The following MST1R variants were observed in gnomAD, a reference collection of about 807,000 sequenced individuals.
MST1R encodes the protein macrophage stimulating 1 receptor, also known as macrophage-stimulating protein receptor.
A neutral mutation model predicts 117.8 loss-of-function variants in MST1R; 99 were observed. The observed-to-expected ratio is 0.84, with a 90% confidence interval of 0.71 to 0.99. The LOEUF (loss-of-function observed/expected upper bound fraction) is 0.99, where lower values mean the gene tolerates loss of function less well. MST1R is among the 50% of genes least tolerant of loss of function. MST1R has a pLI of 0.00. For missense variants in MST1R, 1,683 were observed against 1,840.2 expected (o/e 0.91, Z 1.56); for synonymous variants, 734 against 765.3 (o/e 0.96, Z 0.68).
In MST1R at chr3:49,887,262, G is replaced by C. The variant is rs778893327; in HGVS notation, c.*45C>G. On this transcript the variant is annotated 3_prime_UTR_variant, in exon 20 of 20. Coordinates refer to ENST00000296474, the MANE Select transcript of MST1R (RefSeq NM_002447.4). ...GCCTGGCATGGCCCAGAGGCAGCTT[G>C]GGGTTAGCTCAAGGCAGCTAAGCAG... The C allele has an allele frequency of 3.7e-6, 6 of 1,603,588 alleles. No homozygotes were observed. The African/African-American group carries it at 8.0e-5, about 21-fold the overall frequency.
At chr3:49,899,537 A>T in intron 1 of MST1R, 1 of 222,552 alleles carries the variant, frequency 4.5e-6, no homozygotes, top group South Asian at 5.3e-5. Context: ...CCCCCATTCC[A>T]TCCTCACAAC....
At position 49,898,923 on chromosome 3, in the gene MST1R, C is replaced by T. The variant is rs148258933; in HGVS notation, c.1492G>A (p.Val498Met). Residue 498 changes from valine (V) to methionine (M), a missense_variant, in exon 3 of 20, where the codon GTG (valine) becomes ATG (methionine). Transcript: ENST00000296474. ...CCAAGACGACTGACATCCCGCTGCA[C>T]GGGCTGCCCACTGTCACCCAGTGAG... is the stretch of plus-strand genomic sequence containing the variant. ...NFSLGDSGQP[V>M]QRDVSRLGDH... The T allele has an allele frequency of 1.4e-5, 22 of 1,614,074 alleles. No homozygotes were observed. The highest frequency in any genetic ancestry group is 6.6e-5 in the South Asian group (6 of 91,092).
intron 1 of MST1R, 106 bp downstream of exon 1, chr3:49,902,274 T>C: frequency 6.9e-7 from 1 of 1,446,586 alleles, no homozygotes; most frequent in East Asian, 2.3e-5. Context: ...TCTTTCCGCC[T>C]GCCCCCCCAC....
rs548016723 is a variant in MST1R, at chr3:49,902,281, C to A, written c.1230+99G>T. ...AGAATGCTTCTTTCCGCCTGCCCCC[C>A]CACCGCGCCCCCAGATCCCCTCAGT... On this transcript the variant is annotated intron_variant, in intron 1 of 19. Transcript: ENST00000296474. 21 of 1,471,870 alleles carry A rather than the reference C, an allele frequency of 1.4e-5. No homozygotes were observed. In the East Asian group the frequency reaches 3.4e-4, roughly 24 times the overall value. The allele number at this position is 1,471,870 out of a possible 1,614,324, so 91.2% of individuals were successfully genotyped here.
At position 49,902,921 on chromosome 3, in the gene MST1R, G is replaced by C. The variant is rs370892965; in HGVS notation, c.689C>G (p.Pro230Arg). ...RLKADASGFA[P>R]GFVALSVLPK... ...CAGCACTGACAACGCCACAAAGCCC[G>C]GTGCGAATCCCGAGGCGTCAGCCTT... The change falls in exon 1 of 20, where the codon CCG becomes CGG. Residue 230 changes from proline to arginine, a missense_variant. Coordinates refer to ENST00000296474, the MANE Select transcript of MST1R (RefSeq NM_002447.4). 13 of 1,613,354 alleles carry C rather than the reference G, an allele frequency of 8.1e-6. No homozygotes were observed. Among genetic ancestry groups the C allele is most frequent in the Non-Finnish European group, 8.5e-6 (10 of 1,180,050 alleles).
Position 49,897,396 on chromosome 3 carries a change from C to T in MST1R, c.2067G>A (p.Val689=). The stretch of plus-strand genomic sequence containing the variant: ...CTGCCCGTGGGCCAAAGAGGGGTTG[C>T]ACTGCTATCAGCACTGGCTCCTAAG... ...FSFMEPVLIA[V]QPLFGPRAGG... The change falls in exon 7 of 20, where the codon GTG becomes GTA. Residue 689 remains valine, a synonymous_variant. Transcript: ENST00000296474. 1.9e-6 allele frequency: 3 copies of T among 1,613,622 alleles called. No homozygotes were observed. The highest frequency in any genetic ancestry group is 2.2e-5 in the East Asian group (1 of 44,884).
At chr3:49,892,809 A>C (rs902401297) in intron 14 of MST1R, among the ~76,000 whole-genome samples, 2 of 151,246 alleles carry the variant, frequency 1.3e-5, no homozygotes, top group Non-Finnish European at 2.9e-5. Context: ...CAAAAATTAG[A>C]CAGGTGTGGT....
At chr3:49,894,495 G>T (rs972520730) in intron 14 of MST1R, among the ~76,000 whole-genome samples, 1 of 151,964 alleles carries the variant, frequency 6.6e-6, no homozygotes, top group Non-Finnish European at 1.5e-5. Context: ...TGAGGCTGGG[G>T]AGGTCGAGGC....
chr3:49,891,686 G>C, intron 15 of MST1R, 72 bp downstream of exon 15: 1 of 1,608,120 alleles, frequency 6.2e-7, no homozygotes, highest in Admixed American at 1.7e-5. Flanking sequence ...CAGTAAGGTG[G>C]GAACACAGAG....
rs1401673491 is a variant in MST1R at position 49,902,572 on chromosome 3, TA to T, written c.1037del (p.Leu346HisfsTer6). ...ELSIAEGQEV[L>X]FGVFVTGKDG... is the part of the protein sequence containing the mutation. ...CCTTGCCAGTCACAAAGACCCCAAA[TA>T]GTACTTCCTGGCCCTCGGCGATGCT... On this transcript the variant is annotated frameshift_variant, in exon 1 of 20. Coordinates refer to ENST00000296474, the MANE Select transcript of MST1R (RefSeq NM_002447.4). LOFTEE classifies it high-confidence loss of function. The T allele has an allele frequency of 1.5e-5, 24 of 1,613,712 alleles. No individual in the cohort carries two copies. The highest frequency in any genetic ancestry group is 1.9e-5 in the Non-Finnish European group (23 of 1,180,024).
chr3:49,903,221 G>C lies in MST1R; in HGVS notation c.389C>G (p.Pro130Arg), dbSNP rs747114710. The change falls in exon 1 of 20, where the codon CCT (proline) becomes CGT (arginine). Residue 130 changes from proline to arginine, a missense_variant. Coordinates refer to ENST00000296474, the MANE Select transcript of MST1R (RefSeq NM_002447.4). ...GCTGGAGCCACAACTGACCAGCGCA[G>C]GCAGCGCGGGATCCAGCACCAGCAC... ...TKVLVLDPAL[P>R]ALVSCGSSLQ... is the part of the protein sequence containing the mutation. 3 of 1,607,230 alleles carry C rather than the reference G, an allele frequency of 1.9e-6. No homozygotes were observed. Among genetic ancestry groups the C allele is most frequent in the East Asian group, 2.2e-5 (1 of 44,886 alleles).
In MST1R at chr3:49,898,659, G is replaced by A; in HGVS notation, c.1578C>T (p.Gly526=). The A allele has an allele frequency of 6.2e-7, 1 of 1,614,176 alleles. No homozygotes were observed. Among genetic ancestry groups the A allele is most frequent in the Non-Finnish European group, 8.5e-7 (1 of 1,180,046 alleles). The part of the protein sequence containing the change: ...QVFQVPIQGP[G]CRHFLTCGRC... ...GCCCACAGGTCAGGAAGTGGCGGCA[G>A]CCAGGGCCTTGGATAGGTACCTGGA... is the stretch of plus-strand genomic sequence containing the variant. Residue 526 remains glycine (G), a synonymous_variant, in exon 4 of 20, where the codon GGC becomes GGT. Coordinates refer to ENST00000296474, the MANE Select transcript of MST1R (RefSeq NM_002447.4).
intron 1 of MST1R, among the ~76,000 whole-genome samples, chr3:49,900,271 C>A (rs917528394): frequency 6.6e-6 from 1 of 152,194 alleles, no homozygotes; most frequent in Non-Finnish European, 1.5e-5. Context: ...AACCTCTCCC[C>A]TGCTTTTAGC....
rs1326250251 is a variant in MST1R, at chr3:49,899,127, A to T, written c.1367T>A (p.Leu456His). 1 of 1,614,172 alleles carries T rather than the reference A, an allele frequency of 6.2e-7. No homozygotes were observed. Among genetic ancestry groups the T allele is most frequent in the Non-Finnish European group, 8.5e-7 (1 of 1,180,044 alleles). Residue 456 changes from leucine (L) to histidine (H), a missense_variant, in exon 2 of 20, where the codon CTT becomes CAT. Transcript: ENST00000296474. Reference protein sequence around the residue: ...VQVTALYVTRLDNVTVAHMGT... With the variant: ...VQVTALYVTRHDNVTVAHMGT... ...CATGTGTGCCACTGTGACGTTGTCAAGGCGTGTCACATACAATGCAGTGAC... is the reference window on the plus strand; with the variant it reads ...CATGTGTGCCACTGTGACGTTGTCATGGCGTGTCACATACAATGCAGTGAC...
At position 49,902,481 on chromosome 3, in the gene MST1R, G is replaced by T. The variant is rs1198088156; in HGVS notation, c.1129C>A (p.Leu377Ile). The change falls in exon 1 of 20, where the codon CTA becomes ATA. Residue 377 changes from leucine to isoleucine, a missense_variant. Coordinates refer to ENST00000296474, the MANE Select transcript of MST1R (RefSeq NM_002447.4). ...CAGCGCTCCACACCCTCATCAATTA[G>T]TGTGTCCAGCAGGTCAATGGGGAAG... ...CAFPIDLLDTLIDEGVERCCE... is the reference protein window; with the variant it reads ...CAFPIDLLDTIIDEGVERCCE... 1.2e-6 allele frequency: 2 copies of T among 1,614,216 alleles called. No individual in the cohort carries two copies. Among genetic ancestry groups the T allele is most frequent in the African/African-American group, 1.3e-5 (1 of 75,078 alleles).
In MST1R at chr3:49,890,629, G is replaced by C. The variant is rs979590808; in HGVS notation, c.3666C>G (p.Val1222=). The C allele has an allele frequency of 6.8e-6, 11 of 1,612,760 alleles. No individual in the cohort carries two copies. The highest frequency in any genetic ancestry group is 1.7e-4 in the Middle Eastern group (1 of 6,042). ...GGGCCAAACCAAAGTCAGCCACCTT[G>C]ACTGTGAATGACTCGTCCAGCCTTA... The part of the protein sequence containing the change: ...RNCMLDESFT[V]KVADFGLARD... Residue 1222 remains valine, a synonymous_variant, in exon 18 of 20, where the codon GTC becomes GTG. Coordinates refer to ENST00000296474, the MANE Select transcript of MST1R (RefSeq NM_002447.4).
At chr3:49,902,071 G>A (rs2082697336) in intron 1 of MST1R, among the ~76,000 whole-genome samples, 1 of 152,058 alleles carries the variant, frequency 6.6e-6, no homozygotes, top group South Asian at 2.1e-4. Flanking sequence ...ACAGAGACAC[G>A]GTTATGTAAC....
At chr3:49,891,100 A>G in intron 17 of MST1R, 97 bp downstream of exon 17, 2 of 1,058,882 alleles carry the variant, frequency 1.9e-6, no homozygotes, top group Non-Finnish European at 1.4e-6. Flanking sequence ...AGAGGGGAGG[A>G]CAAGGCTGGA....
intron 19 of MST1R, among the ~76,000 whole-genome samples, chr3:49,889,705 C>T (rs1575421637): frequency 6.6e-6 from 1 of 152,172 alleles, no homozygotes; most frequent in East Asian, 1.9e-4. Flanking sequence ...CAACTCTGAG[C>T]TCAGAATGCT....
Sources: gnomAD v4.1 joint callset for allele counts (sites outside exome capture counted in the v4.1 genomes callset) on GRCh38, gnomAD v4.1.1 for gene constraint, MANE v1.5 for transcripts, NCBI Gene and HGNC (gene_info 2026-07-23, HGNC 2026-07-21) for gene names.